The following PTPRM variants were observed in gnomAD, a reference collection of about 807,000 sequenced individuals.
PTPRM encodes protein tyrosine phosphatase receptor type M, also known as receptor-type tyrosine-protein phosphatase mu.
A neutral mutation model predicts 186.7 loss-of-function variants in PTPRM; 47 were observed. That is an observed-to-expected ratio of 0.25 (90% CI 0.20 to 0.32). The LOEUF is 0.32. PTPRM is among the 10% of genes least tolerant of loss of function. The pLI is 1.00. For synonymous variants in PTPRM, 668 were observed against 674.9 expected (o/e 0.99, Z 0.16); for missense variants, 1,494 against 1,865.0 (o/e 0.80, Z 3.66).
intron 14 of PTPRM, among the ~76,000 whole-genome samples, chr18:8,205,470 A>C (rs557640879): frequency 6.6e-6 from 1 of 152,148 alleles, no homozygotes; most frequent in East Asian, 1.9e-4. Context: ...TGCTTTCTTT[A>C]TTTCTTTATT....
chr18:8,226,155 A>T (rs1284173987), intron 14 of PTPRM, among the ~76,000 whole-genome samples: 1 of 152,224 alleles, frequency 6.6e-6, no homozygotes, highest in Non-Finnish European at 1.5e-5. Context: ...GGTTAAAAAA[A>T]AAATGCATCA....
chr18:8,286,607 AAGTC>A (rs1568668112), intron 19 of PTPRM, among the ~76,000 whole-genome samples: 1 of 152,234 alleles, frequency 6.6e-6, no homozygotes, highest in Non-Finnish European at 1.5e-5. Context: ...ATTTGGCTAA[AAGTC>A]AGTCTTTAAA....
intron 1 of PTPRM, among the ~76,000 whole-genome samples, chr18:7,739,070 G>C (rs115063738): frequency 3.3e-5 from 5 of 152,118 alleles, no homozygotes; most frequent in African/African-American, 1.2e-4. Context: ...TTTTCTCGTC[G>C]CACATCACAA....
chr18:7,764,651 G>A (rs988724790), intron 1 of PTPRM, among the ~76,000 whole-genome samples: 12 of 152,192 alleles, frequency 7.9e-5, no homozygotes, highest in African/African-American at 2.9e-4. Flanking sequence ...GTAGGTCTGG[G>A]ATGAAGCCTG....
At chr18:7,620,986 C>T (rs2037923240) in intron 1 of PTPRM, among the ~76,000 whole-genome samples, 2 of 152,020 alleles carry the variant, frequency 1.3e-5, no homozygotes, top group Middle Eastern at 3.2e-3. Context: ...GAGTTTGAGA[C>T]CAGTCGGCAA....
At chr18:7,927,470 GT>G (rs2051240602) in intron 5 of PTPRM, among the ~76,000 whole-genome samples, 1 of 119,716 alleles carries the variant, frequency 8.4e-6, no homozygotes, top group Non-Finnish European at 1.8e-5. Context: ...TTTTGTGTGG[GT>G]GTGGGTTTTT....
intron 6 of PTPRM, among the ~76,000 whole-genome samples, chr18:7,954,389 T>G (rs151096902): frequency 2.2e-4 from 34 of 152,312 alleles, no homozygotes; most frequent in Non-Finnish European, 3.5e-4. Context: ...GTGGACTTCA[T>G]TATCCAGAAT....
rs111756803 is a variant in PTPRM, at chr18:8,326,407, C to G, written c.2956+7193C>G. Among the ~76,000 whole-genome samples, 807 of 152,302 alleles carry G rather than the reference C, an allele frequency of 5.3e-3. 5 individuals carry two copies. Among genetic ancestry groups the G allele is most frequent in the African/African-American group, 0.019 (771 of 41,556 alleles). ...GCTATTCCTATCAAACTACCAATGACATTCTTCACAGAATTAGAAAAAACT... is the reference window on the plus strand; with the variant it reads ...GCTATTCCTATCAAACTACCAATGAGATTCTTCACAGAATTAGAAAAAACT... On this transcript the variant is annotated intron_variant, in intron 22 of 32. Coordinates refer to ENST00000580170, the MANE Select transcript of PTPRM (RefSeq NM_001105244.2).
At chr18:7,964,612 T>C (rs114443637) in intron 7 of PTPRM, among the ~76,000 whole-genome samples, 1 of 152,230 alleles carries the variant, frequency 6.6e-6, no homozygotes, top group Non-Finnish European at 1.5e-5. Flanking sequence ...TAAATGCTGA[T>C]ACAAAATTAT....
intron 13 of PTPRM, among the ~76,000 whole-genome samples, chr18:8,136,028 C>A (rs2146003207): frequency 6.6e-6 from 1 of 152,294 alleles, no homozygotes; most frequent in East Asian, 1.9e-4. Flanking sequence ...AAGAGGTAAA[C>A]ACGAGGTCTA....
chr18:8,232,022 A>G (rs79786172), intron 14 of PTPRM, among the ~76,000 whole-genome samples: 4,442 of 152,268 alleles, frequency 0.029, 99 homozygotes, highest in East Asian at 0.091. Context: ...TCATTATAGT[A>G]TCATATAAAT....
chr18:8,097,322 T>C (rs1355866329), intron 11 of PTPRM, among the ~76,000 whole-genome samples: 4 of 152,210 alleles, frequency 2.6e-5, no homozygotes, highest in Non-Finnish European at 4.4e-5. Flanking sequence ...TATAATTATG[T>C]CCCTTTTGAC....
chr18:7,792,153 C>A (rs1429692988), intron 2 of PTPRM, among the ~76,000 whole-genome samples: 3 of 152,130 alleles, frequency 2.0e-5, no homozygotes, highest in Non-Finnish European at 4.4e-5. Flanking sequence ...ATTTTTAATA[C>A]ATCTGAAGGA....
intron 14 of PTPRM, 22 bp downstream of exon 14, chr18:8,143,801 A>G (rs1000021728): frequency 2.5e-6 from 4 of 1,612,520 alleles, no homozygotes; most frequent in African/African-American, 2.7e-5. Flanking sequence ...GCTGTTGCCA[A>G]AGATACAGTT....
intron 1 of PTPRM, among the ~76,000 whole-genome samples, chr18:7,582,803 G>A (rs540708328): frequency 5.8e-4 from 88 of 152,274 alleles, no homozygotes; most frequent in African/African-American, 2.0e-3. Flanking sequence ...AGGGTCAATC[G>A]GTGGCATTCT....
intron 32 of PTPRM, among the ~76,000 whole-genome samples, chr18:8,405,742 C>G (rs1401688915): frequency 6.6e-6 from 1 of 152,202 alleles, no homozygotes; most frequent in Admixed American, 6.5e-5. Flanking sequence ...TGAGAGATGT[C>G]AGGAAGGCAT....
At chr18:8,384,268 G>A (rs2095757150) in intron 29 of PTPRM, among the ~76,000 whole-genome samples, 1 of 152,040 alleles carries the variant, frequency 6.6e-6, no homozygotes, top group Non-Finnish European at 1.5e-5. Context: ...GACCAGCCTG[G>A]GCAACATAGC....
intron 2 of PTPRM, among the ~76,000 whole-genome samples, chr18:7,886,420 T>G (rs2048788583): frequency 6.6e-6 from 1 of 152,256 alleles, no homozygotes; most frequent in Non-Finnish European, 1.5e-5. Flanking sequence ...GAAATATATT[T>G]CATAGGTAAG....
At chr18:7,577,046 A>G (rs569613613) in intron 1 of PTPRM, among the ~76,000 whole-genome samples, 1 of 152,296 alleles carries the variant, frequency 6.6e-6, no homozygotes, top group Admixed American at 6.5e-5. Context: ...GCTCCCTTGG[A>G]GAAGAAAAAA....
Sources: allele counts gnomAD v4.1 joint callset (sites outside exome capture counted in the v4.1 genomes callset), GRCh38; gene constraint gnomAD v4.1.1; transcripts MANE v1.5; gene names NCBI Gene and HGNC (gene_info 2026-07-23, HGNC 2026-07-21).